Variants in RAD51B observed in about 807,000 individuals in gnomAD.
RAD51B encodes DNA repair protein RAD51 homolog 2.
A neutral mutation model predicts 42.2 loss-of-function variants in RAD51B; 38 were observed. The observed-to-expected ratio is 0.90, with a 90% CI of 0.70 to 1.18. The LOEUF (loss-of-function observed/expected upper bound fraction) is 1.18. RAD51B is among the 50% of genes most tolerant of loss of function. RAD51B has a pLI of 0.00. For synonymous variants in RAD51B, 154 were observed against 145.2 expected (o/e 1.06, Z -0.43); for missense variants, 373 against 400.7 (o/e 0.93, Z 0.59).
At chr14:68,390,093 C>T (rs2083704369) in intron 8 of RAD51B, among the ~76,000 whole-genome samples, 1 of 152,168 alleles carries the variant, frequency 6.6e-6, no homozygotes, top group South Asian at 2.1e-4. Flanking sequence ...TGTTTGGGAT[C>T]ATAAGAAATA....
chr14:68,004,635 A>G (rs1187851503), intron 7 of RAD51B, among the ~76,000 whole-genome samples: 1 of 152,178 alleles, frequency 6.6e-6, no homozygotes, highest in African/African-American at 2.4e-5. Flanking sequence ...AAATTGCACA[A>G]ATGATAAATG....
Position 68,039,342 on chromosome 14 carries a change from C to T in RAD51B, c.756+152138C>T, listed in dbSNP as rs138999824. 3.0e-3 allele frequency among the ~76,000 whole-genome samples: 445 copies of T among 150,312 alleles called. 1 individual carries two copies. The highest frequency in any genetic ancestry group is 5.2e-3 in the Admixed American group (78 of 14,970). ...ACTCAGGAGGCTGAGGCAGGAGAAT[C>T]GCTTGAACCTGAGAGGCGAAGGTTG... On this transcript the variant is annotated intron_variant, in intron 7 of 10. Coordinates refer to ENST00000471583, the MANE Select transcript of RAD51B (RefSeq NM_133510.4).
At chr14:68,367,933 C>T (rs2083176559) in intron 8 of RAD51B, among the ~76,000 whole-genome samples, 3 of 152,118 alleles carry the variant, frequency 2.0e-5, no homozygotes, top group Non-Finnish European at 2.9e-5. Flanking sequence ...ATCCTGAGAC[C>T]TCTGACAATC....
rs140981282 is a variant in RAD51B at position 68,101,263 on chromosome 14, T to C, written c.757-190621T>C. ...ACTTTATCATTCCACCCCTGGCCCT[T>C]CCCAAATCTCATGCCCTCATACTTC... On this transcript the variant is annotated intron_variant, in intron 7 of 10. Transcript: ENST00000471583. 1.7e-4 allele frequency among the ~76,000 whole-genome samples: 26 copies of C among 152,272 alleles called. No individual in the cohort carries two copies. In the East Asian group the frequency reaches 4.8e-3, roughly 28 times the overall value.
chr14:68,117,927 A>T (rs1198009504), intron 7 of RAD51B, among the ~76,000 whole-genome samples: 1 of 152,206 alleles, frequency 6.6e-6, no homozygotes, highest in Non-Finnish European at 1.5e-5. Context: ...TATAGAAGAA[A>T]ACAGTCTCAC....
intron 7 of RAD51B, among the ~76,000 whole-genome samples, chr14:68,153,911 A>G (rs935183801): frequency 6.6e-6 from 1 of 152,220 alleles, no homozygotes; most frequent in Non-Finnish European, 1.5e-5. Flanking sequence ...ATTTGTTCTC[A>G]TTATTCTCCA....
intron 7 of RAD51B, among the ~76,000 whole-genome samples, chr14:68,015,468 A>G (rs2075762689): frequency 6.6e-6 from 1 of 152,216 alleles, no homozygotes. Flanking sequence ...TAATGGATTC[A>G]CAGTTCCACA....
At chr14:68,490,876 G>A (rs1212346189) in intron 10 of RAD51B, among the ~76,000 whole-genome samples, 1 of 152,112 alleles carries the variant, frequency 6.6e-6, no homozygotes, top group Admixed American at 6.5e-5. Flanking sequence ...GGAGAGCGGG[G>A]AGTTAGAAAA....
chr14:67,902,016 A>G (rs928756043), intron 7 of RAD51B, among the ~76,000 whole-genome samples: 15 of 152,184 alleles, frequency 9.9e-5, no homozygotes, highest in African/African-American at 3.4e-4. Flanking sequence ...TATCCATGTA[A>G]CAAAATTACA....
chr14:68,034,263 GC>G (rs2076088807), intron 7 of RAD51B, among the ~76,000 whole-genome samples: 1 of 147,672 alleles, frequency 6.8e-6, no homozygotes, highest in South Asian at 2.1e-4. Context: ...AGAATCATCT[GC>G]TTTTTTTTTT....
At chr14:68,603,574 C>T (rs1185225656) in intron 10 of RAD51B, among the ~76,000 whole-genome samples, 1 of 152,152 alleles carries the variant, frequency 6.6e-6, no homozygotes, top group East Asian at 1.9e-4. Context: ...TGCCTCCTGG[C>T]TTCCTTTTGA....
At chr14:68,278,001 C>T (rs749033605) in intron 7 of RAD51B, among the ~76,000 whole-genome samples, 3 of 152,210 alleles carry the variant, frequency 2.0e-5, no homozygotes, top group Admixed American at 2.0e-4. Flanking sequence ...TCTTGGCCTC[C>T]CAAAATGTTG....
At chr14:68,630,166 G>A (rs1272452504) in intron 10 of RAD51B, among the ~76,000 whole-genome samples, 2 of 81,056 alleles carry the variant, frequency 2.5e-5, no homozygotes, top group East Asian at 1.3e-3. Flanking sequence ...TGCCGAGTTT[G>A]CCAGGACTGT....
intron 11 of RAD51B, among the ~76,000 whole-genome samples, chr14:68,656,868 C>T (rs1174110742): frequency 1.3e-5 from 2 of 152,126 alleles, no homozygotes; most frequent in Non-Finnish European, 2.9e-5. Flanking sequence ...ATTCACTATG[C>T]GGGATCAAGA....
chr14:68,102,139 G>A (rs2077301163), intron 7 of RAD51B, among the ~76,000 whole-genome samples: 2 of 152,198 alleles, frequency 1.3e-5, no homozygotes, highest in East Asian at 1.9e-4. Flanking sequence ...GCTGCATAGA[G>A]CAAGGAGGCC....
chr14:68,234,361 G>C (rs1164513770), intron 7 of RAD51B, among the ~76,000 whole-genome samples: 1 of 152,242 alleles, frequency 6.6e-6, no homozygotes, highest in Non-Finnish European at 1.5e-5. Context: ...TATGGGTCAA[G>C]AAAGAAAGCT....
intron 9 of RAD51B, among the ~76,000 whole-genome samples, chr14:68,438,165 A>G (rs1291439231): frequency 6.6e-6 from 1 of 152,182 alleles, no homozygotes; most frequent in East Asian, 1.9e-4. Flanking sequence ...TGTACCTTCC[A>G]AGTCTCCCTT....
At chr14:68,293,746 A>G (rs1307850178) in intron 8 of RAD51B, among the ~76,000 whole-genome samples, 1 of 152,190 alleles carries the variant, frequency 6.6e-6, no homozygotes, top group Non-Finnish European at 1.5e-5. Flanking sequence ...TGGCCGCTCT[A>G]TCTGCTCAAC....
At position 67,934,810 on chromosome 14, in the gene RAD51B, T is replaced by TG. The variant is rs1395960123; in HGVS notation, c.756+47613dup. 5.3e-5 allele frequency among the ~76,000 whole-genome samples: 8 copies of TG among 152,044 alleles called. No homozygotes were observed. In the East Asian group the frequency reaches 7.7e-4, roughly 15 times the overall value. Reference sequence around the variant, plus strand: ...TTGTTCCATCCCTGACTCTTATTGATGGGGGGGAATGTCCATACGTTGAAC... The same window carrying TG: ...TTGTTCCATCCCTGACTCTTATTGATGGGGGGGGAATGTCCATACGTTGAAC... On this transcript the variant is annotated intron_variant, in intron 7 of 10. Transcript: ENST00000471583.
Sources: gnomAD v4.1 joint callset for allele counts (sites outside exome capture counted in the v4.1 genomes callset) on GRCh38, gnomAD v4.1.1 for gene constraint, MANE v1.5 for transcripts, NCBI Gene and HGNC (gene_info 2026-07-23, HGNC 2026-07-21) for gene names.